The following BAMBI variants were observed in gnomAD, a reference collection of about 807,000 sequenced individuals.
BAMBI encodes BMP and activin membrane-bound inhibitor homolog.
A neutral mutation model predicts 24.1 loss-of-function variants in BAMBI; 21 were observed. That is an observed-to-expected ratio of 0.87 (90% CI 0.62 to 1.26). BAMBI has a LOEUF of 1.26. BAMBI is among the 50% of genes most tolerant of loss of function. BAMBI has a pLI of 0.00. For missense variants in BAMBI, 388 were observed against 329.1 expected (o/e 1.18, Z -1.38); for synonymous variants, 156 against 123.1 (o/e 1.27, Z -1.77).
intron 1 of BAMBI, among the ~76,000 whole-genome samples, chr10:28,680,794 T>TA (rs897083470): frequency 6.6e-6 from 1 of 152,226 alleles, no homozygotes; most frequent in African/African-American, 2.4e-5. Context: ...TTAATAACTT[T>TA]ATAAGGTGTT....
At chr10:28,680,640 A>G (rs1834487637) in intron 1 of BAMBI, among the ~76,000 whole-genome samples, 1 of 152,214 alleles carries the variant, frequency 6.6e-6, no homozygotes, top group Non-Finnish European at 1.5e-5. Flanking sequence ...CTGTTTTACA[A>G]TATACTGACT....
At chr10:28,680,763 T>C (rs1834489005) in intron 1 of BAMBI, among the ~76,000 whole-genome samples, 1 of 152,238 alleles carries the variant, frequency 6.6e-6, no homozygotes, top group Non-Finnish European at 1.5e-5. Context: ...CTGGGCAGTT[T>C]CTAGATTGTT....
chr10:28,677,546 CG>C lies in BAMBI; in HGVS notation c.-350del. ...GGGCTGGCGCGGGCGGGAGCTGCGG[CG>C]GATACCCTTGCGTGCTGTGGAGACC... On this transcript the variant is annotated 5_prime_UTR_variant, in exon 1 of 3. Coordinates refer to ENST00000375533, the MANE Select transcript of BAMBI (RefSeq NM_012342.3). 6.0e-6 allele frequency: 1 copy of C among 165,616 alleles called. No homozygotes were observed. Among genetic ancestry groups the C allele is most frequent in the East Asian group, 1.7e-4 (1 of 5,946 alleles). The allele number at this position is 165,616 out of a possible 1,614,324, so 10.3% of individuals were successfully genotyped here. A position where few individuals can be genotyped will look rare whatever the true frequency, so the allele number is the denominator to read the frequency against.
rs1564439746 is a variant in BAMBI, at chr10:28,682,358, A to G, written c.740A>G (p.His247Arg). The change falls in exon 3 of 3, where the codon CAC (histidine) becomes CGC (arginine). Residue 247 changes from histidine to arginine, a missense_variant. Physicochemically the swap from His to Arg is conservative, Grantham distance 29 (BLOSUM62 0). Transcript: ENST00000375533. ...LSNDKILSLV[H>R]WGMYSGHGKL... is the part of the protein sequence containing the mutation. ...AACGATAAGATCCTCTCGCTTGTTC[A>G]CTGGGGCATGTACAGTGGGCACGGG... The G allele has an allele frequency of 1.2e-6, 2 of 1,614,050 alleles. No homozygotes were observed. Among genetic ancestry groups the G allele is most frequent in the South Asian group, 1.1e-5 (1 of 91,076 alleles).
Position 28,682,191 on chromosome 10 carries a change from C to T in BAMBI, c.573C>T (p.Leu191=), listed in dbSNP as rs774598560. ...KRLQDQRQQM[L]SRLHYSFHGH... is the part of the protein sequence containing the mutation. ...TGCAGGATCAGCGGCAACAGATGCT[C>T]TCCCGTTTGCACTACAGCTTTCACG... Residue 191 remains leucine (L), a synonymous_variant, in exon 3 of 3, where the codon CTC becomes CTT. Coordinates refer to ENST00000375533, the MANE Select transcript of BAMBI (RefSeq NM_012342.3). 4.3e-6 allele frequency: 7 copies of T among 1,614,186 alleles called. No individual in the cohort carries two copies. Among genetic ancestry groups the T allele is most frequent in the Admixed American group, 1.7e-5 (1 of 60,012 alleles).
intron 1 of BAMBI, among the ~76,000 whole-genome samples, chr10:28,679,010 C>T (rs1051306488): frequency 1.3e-5 from 2 of 152,326 alleles, no homozygotes; most frequent in East Asian, 3.9e-4. Flanking sequence ...CAGCCCCCTA[C>T]TTCTCTTTAA....
At chr10:28,679,893 C>G (rs1834479921) in intron 1 of BAMBI, among the ~76,000 whole-genome samples, 1 of 152,128 alleles carries the variant, frequency 6.6e-6, no homozygotes, top group East Asian at 1.9e-4. Context: ...TGGGCCCAAC[C>G]AGTGCAGATT....
rs745310094 is a variant in BAMBI, at chr10:28,682,133, C to T, written c.515C>T (p.Ala172Val). The T allele has an allele frequency of 2.5e-6, 4 of 1,614,106 alleles. No homozygotes were observed. Among genetic ancestry groups the T allele is most frequent in the Non-Finnish European group, 3.4e-6 (4 of 1,180,038 alleles). The part of the protein sequence containing the change: ...GLILVLLIML[A>V]LRMLRSENKR... ...ATTTTAGTGTTGCTTATTATGTTGG[C>T]CCTGAGGATGCTTCGAAGTGAAAAT... Residue 172 changes from alanine (A) to valine (V), a missense_variant, in exon 3 of 3, where the codon GCC becomes GTC. By Grantham distance (64) the Ala-to-Val change is moderately conservative. Coordinates refer to ENST00000375533, the MANE Select transcript of BAMBI (RefSeq NM_012342.3).
At chr10:28,679,988 T>G (rs542388697) in intron 1 of BAMBI, among the ~76,000 whole-genome samples, 62 of 152,318 alleles carry the variant, frequency 4.1e-4, no homozygotes, top group African/African-American at 1.3e-3. Flanking sequence ...AACCGAAGCA[T>G]TAGCAGCGTC....
intron 1 of BAMBI, 32 bp downstream of exon 1, chr10:28,678,005 C>G (rs537944984): frequency 3.3e-6 from 5 of 1,497,942 alleles, no homozygotes; most frequent in Non-Finnish European, 4.4e-6. Flanking sequence ...GGCCCGGGGT[C>G]CCGTCCTCGC....
Position 28,682,082 on chromosome 10 carries a change from T to G in BAMBI, c.464T>G (p.Ile155Ser). The G allele has an allele frequency of 6.2e-7, 1 of 1,614,144 alleles. No homozygotes were observed. The highest frequency in any genetic ancestry group is 8.5e-7 in the Non-Finnish European group (1 of 1,180,006). The stretch of plus-strand genomic sequence containing the variant: ...GAGTTGTGGTTCCGGGCAGCGGTCA[T>G]TGCCGTGCCCATTGCTGGAGGGCTG... ...SKELWFRAAV[I>S]AVPIAGGLIL... Residue 155 changes from isoleucine to serine, a missense_variant, in exon 3 of 3, where the codon ATT (isoleucine) becomes AGT (serine). By Grantham distance (142) the Ile-to-Ser change is moderately radical. Coordinates refer to ENST00000375533, the MANE Select transcript of BAMBI (RefSeq NM_012342.3).
At chr10:28,679,651 C>A (rs140824426) in intron 1 of BAMBI, among the ~76,000 whole-genome samples, 1 of 152,118 alleles carries the variant, frequency 6.6e-6, no homozygotes, top group Non-Finnish European at 1.5e-5. Context: ...TGTATTCAGT[C>A]TTCCTTTTCT....
intron 1 of BAMBI, among the ~76,000 whole-genome samples, chr10:28,680,306 T>TTAAAGCC (rs1176918773): frequency 6.6e-6 from 1 of 152,178 alleles, no homozygotes; most frequent in Non-Finnish European, 1.5e-5. Flanking sequence ...GAAACTGATA[T>TTAAAGCC]TAAAGCCTCC....
rs942557909 is a variant in BAMBI at position 28,681,421 on chromosome 10, C to T, written c.240C>T (p.Cys80=). The part of the protein sequence containing the change: ...LDSLASTTDI[C]QAKQARNHSG... Reference sequence around the variant, plus strand: ...CTCTTGCAAGCACGACAGACATCTGCCAAGCCAAACAGGCCCGAAACCACT... The same window carrying T: ...CTCTTGCAAGCACGACAGACATCTGTCAAGCCAAACAGGCCCGAAACCACT... Residue 80 remains cysteine (C), a synonymous_variant, in exon 2 of 3, where the codon TGC becomes TGT. Transcript: ENST00000375533. 4 of 1,614,200 alleles carry T rather than the reference C, an allele frequency of 2.5e-6. No individual in the cohort carries two copies. Among genetic ancestry groups the T allele is most frequent in the Non-Finnish European group, 3.4e-6 (4 of 1,180,040 alleles).
Position 28,677,834 on chromosome 10 carries a change from G to C in BAMBI, c.-64G>C. Reference sequence around the variant, plus strand: ...CCATGCCCTGCGCGCTCCGGGGGTCGTAGGCTGCCGCCGAGCCGGGGCTCC... The same window carrying C: ...CCATGCCCTGCGCGCTCCGGGGGTCCTAGGCTGCCGCCGAGCCGGGGCTCC... On this transcript the variant is annotated 5_prime_UTR_variant, in exon 1 of 3. Coordinates refer to ENST00000375533, the MANE Select transcript of BAMBI (RefSeq NM_012342.3). The C allele has an allele frequency of 3.6e-6, 5 of 1,383,934 alleles. No homozygotes were observed. Among genetic ancestry groups the C allele is most frequent in the Non-Finnish European group, 4.8e-6 (5 of 1,048,422 alleles). The allele number at this position is 1,383,934 out of a possible 1,614,324, so 85.7% of individuals were successfully genotyped here.
At chr10:28,679,513 C>A (rs1409038220) in intron 1 of BAMBI, among the ~76,000 whole-genome samples, 1 of 150,138 alleles carries the variant, frequency 6.7e-6, no homozygotes, top group African/African-American at 2.5e-5. Flanking sequence ...ATTCTCCTTG[C>A]TTAAAATGTG....
At chr10:28,678,968 AT>A (rs960995330) in intron 1 of BAMBI, among the ~76,000 whole-genome samples, 1 of 150,320 alleles carries the variant, frequency 6.7e-6, no homozygotes, top group Non-Finnish European at 1.5e-5. Context: ...TGAACAGATA[AT>A]TTTTTTAAGT....
rs754076634 is a variant in BAMBI at position 28,681,350 on chromosome 10, G to C, written c.169G>C (p.Asp57His). ...CAGCGCCTGCTTCTCTAGACTTCTT[G>C]ATCCTCAGAACTCAAATTCCCCACT... The part of the protein sequence containing the change: ...ELSACFSRLL[D>H]PQNSNSPLTH... The change falls in exon 2 of 3, where the codon GAT becomes CAT. Residue 57 changes from aspartate to histidine, a missense_variant. Asp to His is a moderately conservative substitution (Grantham distance 81). Coordinates refer to ENST00000375533, the MANE Select transcript of BAMBI (RefSeq NM_012342.3). 17 of 1,614,038 alleles carry C rather than the reference G, an allele frequency of 1.1e-5. No individual in the cohort carries two copies. Among genetic ancestry groups the C allele is most frequent in the African/African-American group, 2.7e-5 (2 of 74,920 alleles).
chr10:28,680,280 C>A (rs374826742), intron 1 of BAMBI, among the ~76,000 whole-genome samples: 3 of 152,128 alleles, frequency 2.0e-5, no homozygotes, highest in African/African-American at 7.2e-5. Context: ...CTTGAAGACC[C>A]AGATTATTTC....
Sources: gnomAD v4.1 joint callset for allele counts (sites outside exome capture counted in the v4.1 genomes callset) on GRCh38, gnomAD v4.1.1 for gene constraint, MANE v1.5 for transcripts, NCBI Gene and HGNC (gene_info 2026-07-23, HGNC 2026-07-21) for gene names.